The following CARMIL1 variants were observed in gnomAD, a reference collection of about 807,000 sequenced individuals.
CARMIL1 encodes capping protein regulator and myosin 1 linker 1, also known as F-actin-uncapping protein LRRC16A.
A neutral mutation model predicts 177.1 loss-of-function variants in CARMIL1; 90 were observed. The ratio of observed to expected loss-of-function variants is 0.51; its 90% CI spans 0.43 to 0.61. The LOEUF (loss-of-function observed/expected upper bound fraction) is 0.61, where lower values mean the gene tolerates loss of function less well. Among genes scored for constraint, CARMIL1 ranks in the 20% least tolerant of loss-of-function variants. The pLI, the probability that CARMIL1 is intolerant of heterozygous loss-of-function variation, is 0.00. For missense variants in CARMIL1, 1,380 were observed against 1,667.0 expected (o/e 0.83, Z 3.00); for synonymous variants, 577 against 606.2 (o/e 0.95, Z 0.71).
At chr6:25,526,584 A>C (rs1807168688) in intron 23 of CARMIL1, among the ~76,000 whole-genome samples, 1 of 144,832 alleles carries the variant, frequency 6.9e-6, no homozygotes, top group African/African-American at 2.6e-5. Context: ...ACAAGGTCTC[A>C]CTCTGTCATC....
At chr6:25,362,343 C>T (rs1215911977) in intron 2 of CARMIL1, among the ~76,000 whole-genome samples, 1 of 152,246 alleles carries the variant, frequency 6.6e-6, no homozygotes, top group Non-Finnish European at 1.5e-5. Context: ...GAATCCAATT[C>T]AGCAAACATT....
In CARMIL1 at chr6:25,531,198, C is replaced by T. The variant is rs373418055; in HGVS notation, c.2067+2305C>T. On this transcript the variant is annotated intron_variant, in intron 24 of 36. Transcript: ENST00000329474. ...GAGGAATTAAAGAGGCAGAGGCTTT[C>T]AAAAGAATTTTTCTCTGCAAATTGA... Among the ~76,000 whole-genome samples the T allele has an allele frequency of 1.6e-4, 24 of 152,240 alleles. 1 individual carries two copies. In the East Asian group the frequency reaches 4.4e-3, roughly 28 times the overall value.
intron 31 of CARMIL1, among the ~76,000 whole-genome samples, chr6:25,589,547 G>C (rs1814103856): frequency 1.3e-5 from 2 of 152,178 alleles, no homozygotes; most frequent in South Asian, 4.2e-4. Flanking sequence ...GAGAGCAGTG[G>C]TGCGATCTCA....
At chr6:25,414,710 T>C (rs1030692870) in intron 2 of CARMIL1, among the ~76,000 whole-genome samples, 1 of 152,220 alleles carries the variant, frequency 6.6e-6, no homozygotes, top group African/African-American at 2.4e-5. Context: ...TGCCCTGTTG[T>C]ACCCACAAGT....
chr6:25,619,560 G>GA lies in CARMIL1; in HGVS notation c.4098dup (p.Glu1367ArgfsTer21). 1.2e-6 allele frequency: 2 copies of GA among 1,613,632 alleles called. No homozygotes were observed. The highest frequency in any genetic ancestry group is 1.7e-6 in the Non-Finnish European group (2 of 1,179,762). The stretch of plus-strand genomic sequence containing the variant: ...ATCTAATGACTCCGGGGAAGAAGCA[G>GA]AAAAAGAGTTTATTTTTGTGTAAAG... On this transcript the variant is annotated frameshift_variant, in exon 37 of 37. Coordinates refer to ENST00000329474, the MANE Select transcript of CARMIL1 (RefSeq NM_017640.6). LOFTEE classifies it high-confidence loss of function.
chr6:25,501,686 T>C (rs537468436), intron 17 of CARMIL1, among the ~76,000 whole-genome samples: 8 of 152,294 alleles, frequency 5.3e-5, no homozygotes, highest in East Asian at 1.9e-4. Context: ...TGCACAGATA[T>C]TAAATTAACT....
intron 29 of CARMIL1, among the ~76,000 whole-genome samples, chr6:25,561,370 T>G (rs1478080493): frequency 6.6e-6 from 1 of 152,184 alleles, no homozygotes; most frequent in Non-Finnish European, 1.5e-5. Context: ...GCTCACTAAT[T>G]GTATGTAATT....
At chr6:25,345,573 C>T (rs191600141) in intron 2 of CARMIL1, among the ~76,000 whole-genome samples, 20 of 152,292 alleles carry the variant, frequency 1.3e-4, no homozygotes, top group African/African-American at 4.6e-4. Flanking sequence ...TAATAGCATC[C>T]TGCTCTTCCA....
At chr6:25,428,578 G>T (rs184654996) in intron 4 of CARMIL1, among the ~76,000 whole-genome samples, 1 of 152,230 alleles carries the variant, frequency 6.6e-6, no homozygotes, top group Admixed American at 6.5e-5. Flanking sequence ...TGGAATTTTG[G>T]CTGATATTAC....
intron 5 of CARMIL1, among the ~76,000 whole-genome samples, chr6:25,444,653 T>C (rs1798053530): frequency 6.6e-6 from 1 of 152,228 alleles, no homozygotes; most frequent in Non-Finnish European, 1.5e-5. Flanking sequence ...GATAGTTTGC[T>C]GAGAATGATG....
In CARMIL1 at chr6:25,512,247, C is replaced by G. The variant is rs574249053; in HGVS notation, c.1632+1485C>G. ...GGTTCTTCAAACTGTATCTATAATT[C>G]TGGAAGTCTGTTACTTAAAGATGAT... On this transcript the variant is annotated intron_variant, in intron 20 of 36. Coordinates refer to ENST00000329474, the MANE Select transcript of CARMIL1 (RefSeq NM_017640.6). 5.9e-5 allele frequency among the ~76,000 whole-genome samples: 9 copies of G among 152,190 alleles called. No homozygotes were observed. The East Asian group carries it at 1.7e-3, about 29-fold the overall frequency.
At chr6:25,404,438 C>G (rs997087446) in intron 2 of CARMIL1, among the ~76,000 whole-genome samples, 1 of 152,158 alleles carries the variant, frequency 6.6e-6, no homozygotes, top group Non-Finnish European at 1.5e-5. Context: ...AGTTTGCTGC[C>G]TTGGGAGGGG....
intron 26 of CARMIL1, among the ~76,000 whole-genome samples, chr6:25,546,250 A>G (rs1369830460): frequency 1.3e-5 from 2 of 152,180 alleles, no homozygotes; most frequent in Non-Finnish European, 2.9e-5. Context: ...AGCCAGTGCA[A>G]TACGATAAAC....
intron 31 of CARMIL1, among the ~76,000 whole-genome samples, 190 bp downstream of exon 31, chr6:25,581,629 G>A (rs1269164810): frequency 6.6e-6 from 1 of 152,148 alleles, no homozygotes; most frequent in Non-Finnish European, 1.5e-5. Context: ...AACAGATTGT[G>A]TCACTTAAAT....
chr6:25,288,040 T>G (rs1781652149), intron 2 of CARMIL1, among the ~76,000 whole-genome samples: 1 of 152,210 alleles, frequency 6.6e-6, no homozygotes, highest in Non-Finnish European at 1.5e-5. Context: ...TGGTTTCAGA[T>G]GTGCTATGAG....
At chr6:25,534,092 G>C (rs1269335424) in intron 24 of CARMIL1, among the ~76,000 whole-genome samples, 1 of 151,100 alleles carries the variant, frequency 6.6e-6, no homozygotes, top group Non-Finnish European at 1.5e-5. Flanking sequence ...CTCTTGCTAA[G>C]GTCTTTTTAC....
intron 2 of CARMIL1, among the ~76,000 whole-genome samples, chr6:25,307,898 T>TA (rs11428169): frequency 0.51 from 77,405 of 152,012 alleles, 19,820 homozygotes; most frequent in Middle Eastern, 0.56. Context: ...TTTTAATAGA[T>TA]AACCAGAATT....
At chr6:25,352,016 C>T (rs16890454) in intron 2 of CARMIL1, among the ~76,000 whole-genome samples, 8,931 of 152,106 alleles carry the variant, frequency 0.059, 581 homozygotes, top group African/African-American at 0.16. Context: ...AGTTTCATGG[C>T]ATAGGTTTTT....
At chr6:25,592,817 A>G (rs929906321) in intron 31 of CARMIL1, among the ~76,000 whole-genome samples, 1 of 152,196 alleles carries the variant, frequency 6.6e-6, no homozygotes, top group Non-Finnish European at 1.5e-5. Context: ...AGGTATCCCA[A>G]CCACATGAGA....
Sources: gnomAD v4.1 joint callset for allele counts (sites outside exome capture counted in the v4.1 genomes callset) on GRCh38, gnomAD v4.1.1 for gene constraint, MANE v1.5 for transcripts, NCBI Gene and HGNC (gene_info 2026-07-23, HGNC 2026-07-21) for gene names.